TULP4: variants seen among roughly 807,000 people sequenced by gnomAD.
TULP4 encodes tubby-related protein 4.
In TULP4, 16 loss-of-function variants were observed where a neutral mutation model predicts 129.0. That is an observed-to-expected ratio of 0.12 (90% confidence interval 0.08 to 0.19). TULP4 has a LOEUF of 0.19. Among genes scored for constraint, TULP4 ranks in the 10% least tolerant of loss-of-function variants. TULP4 has a pLI of 1.00. For synonymous variants in TULP4, 998 were observed against 854.0 expected, an observed-to-expected ratio of 1.17 and a Z score of -2.94; for missense variants, 1,842 against 2,059.1, an observed-to-expected ratio of 0.89 and a Z score of 2.04.
chr6:158,454,514 C>T (rs1011370131), intron 5 of TULP4, among the ~76,000 whole-genome samples: 36 of 151,650 alleles, frequency 2.4e-4, no homozygotes, highest in African/African-American at 8.5e-4. Flanking sequence ...TTATTCTTTA[C>T]GGGGGAATTT....
chr6:158,357,785 A>G (rs1190324171), intron 1 of TULP4, among the ~76,000 whole-genome samples: 5 of 152,216 alleles, frequency 3.3e-5, no homozygotes, highest in Admixed American at 1.3e-4. Context: ...TTTCACTTTC[A>G]TCTTTGCTGC....
intron 8 of TULP4, among the ~76,000 whole-genome samples, chr6:158,487,443 T>C (rs1018578674): frequency 4.6e-5 from 7 of 152,074 alleles, no homozygotes; most frequent in Admixed American, 3.3e-4. Context: ...AGACTCCATC[T>C]CCCAAAAAAA....
chr6:158,241,099 G>C (rs1213409667), intron 1 of TULP4, among the ~76,000 whole-genome samples: 1 of 135,864 alleles, frequency 7.4e-6, no homozygotes, highest in African/African-American at 2.6e-5. Flanking sequence ...CGCTCCTCAC[G>C]TCCCAGAGGG....
chr6:158,306,858 C>T (rs1046116086), intron 1 of TULP4, among the ~76,000 whole-genome samples: 2 of 152,012 alleles, frequency 1.3e-5, no homozygotes, highest in Non-Finnish European at 2.9e-5. Flanking sequence ...TGTCTCTACA[C>T]ACAATACAAA....
intron 1 of TULP4, among the ~76,000 whole-genome samples, chr6:158,380,911 AAG>A (rs1554285865): frequency 9.8e-6 from 1 of 101,778 alleles, no homozygotes; most frequent in Admixed American, 9.2e-5. Flanking sequence ...AAAAAAAAAA[AAG>A]AAGAAGAAGA....
chr6:158,340,295 A>G (rs1224696473), intron 1 of TULP4, among the ~76,000 whole-genome samples: 2 of 152,222 alleles, frequency 1.3e-5, no homozygotes, highest in South Asian at 2.1e-4. Context: ...AAATTGTAGG[A>G]CCACTCCTAA....
At chr6:158,409,712 A>AT (rs1778049731) in intron 1 of TULP4, among the ~76,000 whole-genome samples, 1 of 152,192 alleles carries the variant, frequency 6.6e-6, no homozygotes, top group Non-Finnish European at 1.5e-5. Context: ...GTTTGGCTTT[A>AT]TTTTTAAACC....
At chr6:158,299,437 T>G (rs984536296) in intron 1 of TULP4, among the ~76,000 whole-genome samples, 5 of 151,982 alleles carry the variant, frequency 3.3e-5, no homozygotes, top group African/African-American at 1.2e-4. Flanking sequence ...TTCCTACAGG[T>G]TTATATTGAA....
At chr6:158,250,790 T>C (rs1778126657) in intron 1 of TULP4, among the ~76,000 whole-genome samples, 1 of 152,158 alleles carries the variant, frequency 6.6e-6, no homozygotes, top group South Asian at 2.1e-4. Flanking sequence ...GGCATGTGAT[T>C]TTACTAATAG....
chr6:158,480,467 G>C (rs1779915092), intron 7 of TULP4, among the ~76,000 whole-genome samples: 1 of 152,240 alleles, frequency 6.6e-6, no homozygotes. Context: ...GCTGAGGAGG[G>C]CCACTCCAGC....
At chr6:158,393,218 C>T (rs1253693925) in intron 1 of TULP4, among the ~76,000 whole-genome samples, 1 of 152,220 alleles carries the variant, frequency 6.6e-6, no homozygotes. Flanking sequence ...GAGGTGGGCT[C>T]CCAAGGCTTT....
At chr6:158,264,468 A>G (rs1778413447) in intron 1 of TULP4, among the ~76,000 whole-genome samples, 1 of 152,162 alleles carries the variant, frequency 6.6e-6, no homozygotes, top group Non-Finnish European at 1.5e-5. Flanking sequence ...TTAAAATTAA[A>G]ACTCAAGCCA....
chr6:158,410,066 G>A (rs1778059499), intron 1 of TULP4, among the ~76,000 whole-genome samples: 1 of 152,160 alleles, frequency 6.6e-6, no homozygotes, highest in Non-Finnish European at 1.5e-5. Flanking sequence ...GTGTTAGCCA[G>A]GATGATCTCA....
intron 8 of TULP4, among the ~76,000 whole-genome samples, chr6:158,484,866 G>A (rs907297146): frequency 3.9e-5 from 6 of 152,256 alleles, no homozygotes; most frequent in Admixed American, 3.3e-4. Context: ...ATACACACAC[G>A]CATAATACTG....
chr6:158,246,339 A>C (rs1778031500), intron 1 of TULP4, among the ~76,000 whole-genome samples: 2 of 151,900 alleles, frequency 1.3e-5, no homozygotes, highest in Admixed American at 1.3e-4. Context: ...AATACAAAAA[A>C]GGATTAGCCG....
At chr6:158,274,638 G>A (rs1778610260) in intron 1 of TULP4, among the ~76,000 whole-genome samples, 1 of 151,962 alleles carries the variant, frequency 6.6e-6, no homozygotes, top group Non-Finnish European at 1.5e-5. Context: ...TCAGCCGGGT[G>A]TGGTGGCGGG....
chr6:158,240,318 G>C (rs1180987179), intron 1 of TULP4, among the ~76,000 whole-genome samples: 1 of 75,334 alleles, frequency 1.3e-5, no homozygotes, highest in African/African-American at 4.7e-5. Context: ...CTCACCTCCC[G>C]GACGGGGCGG....
intron 2 of TULP4, among the ~76,000 whole-genome samples, chr6:158,422,560 G>A (rs956911605): frequency 7.9e-5 from 12 of 152,160 alleles, no homozygotes; most frequent in East Asian, 7.7e-4. Context: ...CATGTGGAGC[G>A]GTTTTAAGGA....
At chr6:158,300,598 T>C (rs1486879161) in intron 1 of TULP4, among the ~76,000 whole-genome samples, 1 of 152,210 alleles carries the variant, frequency 6.6e-6, no homozygotes, top group Non-Finnish European at 1.5e-5. Flanking sequence ...TTGTCTGTCT[T>C]TATTTGATAT....
Sources: allele counts gnomAD v4.1 joint callset (sites outside exome capture counted in the v4.1 genomes callset), GRCh38; gene constraint gnomAD v4.1.1; transcripts MANE v1.5; gene names NCBI Gene and HGNC (gene_info 2026-07-23, HGNC 2026-07-21).